Variants in ZNF536 observed in about 807,000 individuals in gnomAD.
ZNF536 encodes the protein zinc finger protein 536.
Under a neutral mutation model 84.5 loss-of-function variants are expected in ZNF536, and 13 were observed. The observed-to-expected ratio is 0.15, with a 90% CI of 0.10 to 0.24. ZNF536 has a LOEUF of 0.24. ZNF536 is among the 10% of genes least tolerant of loss of function. ZNF536 has a pLI of 1.00. For synonymous variants in ZNF536, 811 were observed against 742.5 expected (o/e 1.09, Z -1.50); for missense variants, 1,536 against 1,747.5 (o/e 0.88, Z 2.16).
chr19:30,646,863 T>TA (rs1161892324), intron 1 of ZNF536, among the ~76,000 whole-genome samples: 2 of 152,126 alleles, frequency 1.3e-5, no homozygotes, highest in South Asian at 2.1e-4. Context: ...GTTGTATGTT[T>TA]AAAAAAATTA....
intron 2 of ZNF536, among the ~76,000 whole-genome samples, chr19:30,477,727 A>C (rs1474447915): frequency 6.6e-6 from 1 of 152,246 alleles, no homozygotes; most frequent in African/African-American, 2.4e-5. Flanking sequence ...GCTGGGCACA[A>C]TGATGGCAAA....
exon 2 of ZNF536, chr19:30,711,161 TA>T (rs11323514): frequency 0.28 from 40,895 of 147,716 alleles, 6,253 homozygotes; most frequent in East Asian, 0.6. Flanking sequence ...ATATATATAT[TA>T]AAAAAAAAAA....
intron 2 of ZNF536, among the ~76,000 whole-genome samples, chr19:30,446,932 A>G (rs2052380175): frequency 6.6e-6 from 1 of 152,210 alleles, no homozygotes; most frequent in African/African-American, 2.4e-5. Flanking sequence ...CCCCTTACTA[A>G]TGGATAGTAA....
intron 1 of ZNF536, among the ~76,000 whole-genome samples, chr19:30,248,210 T>C (rs1034558201): frequency 3.4e-5 from 5 of 147,980 alleles, no homozygotes; most frequent in African/African-American, 1.3e-4. Context: ...TCTTTCTTTC[T>C]TTTTCTTTTC....
intron 2 of ZNF536, among the ~76,000 whole-genome samples, chr19:30,454,947 C>T (rs967913489): frequency 1.1e-3 from 162 of 152,264 alleles, no homozygotes; most frequent in Non-Finnish European, 1.8e-4. Context: ...GCAGGAGAAT[C>T]GCTTGAATCC....
intron 1 of ZNF536, among the ~76,000 whole-genome samples, chr19:30,429,383 C>T (rs1434342552): frequency 6.6e-6 from 1 of 152,090 alleles, no homozygotes; most frequent in Non-Finnish European, 1.5e-5. Flanking sequence ...ATGCAAGGAT[C>T]TAGATCTTGG....
intron 1 of ZNF536, among the ~76,000 whole-genome samples, chr19:30,576,525 C>T (rs1016122309): frequency 6.6e-6 from 1 of 152,196 alleles, no homozygotes; most frequent in African/African-American, 2.4e-5. Context: ...GGGGAATTGA[C>T]AGCTGTCCAG....
rs2048642862 is a variant in ZNF536, at chr19:30,372,447, T to A, written c.-112T>A. The A allele has an allele frequency of 6.6e-6, 1 of 152,244 alleles. No homozygotes were observed. The highest frequency in any genetic ancestry group is 2.4e-5 in the African/African-American group (1 of 41,470). The allele number at this position is 152,244 out of a possible 1,614,324, so 9.4% of individuals were successfully genotyped here. A position where few individuals can be genotyped will look rare whatever the true frequency, so the allele number is the denominator to read the frequency against. ...TCTGGAGAAGAGAGTTTCCACGTTG[T>A]CATCATAGGATCTGGACTCAAGTGA... On this transcript the variant is annotated 5_prime_UTR_variant, in exon 1 of 5. Coordinates refer to ENST00000355537, the MANE Select transcript of ZNF536 (RefSeq NM_014717.3).
chr19:30,527,234 T>TTTTC (rs1464602589), intron 2 of ZNF536, among the ~76,000 whole-genome samples: 1 of 132,998 alleles, frequency 7.5e-6, no homozygotes, highest in Non-Finnish European at 1.5e-5. Flanking sequence ...TTTTTTTTTT[T>TTTTC]TTTTTTTTTT....
chr19:30,259,750 C>T (rs1053382316), intron 1 of ZNF536, among the ~76,000 whole-genome samples: 2 of 151,850 alleles, frequency 1.3e-5, no homozygotes, highest in Non-Finnish European at 1.5e-5. Context: ...AGGTGGTTAT[C>T]GGGTGCTTCT....
intron 1 of ZNF536, among the ~76,000 whole-genome samples, chr19:30,592,586 T>A: frequency 6.6e-6 from 1 of 152,198 alleles, no homozygotes; most frequent in East Asian, 1.9e-4. Context: ...GAACAAGACG[T>A]GGTCACAGTT....
intron 2 of ZNF536, among the ~76,000 whole-genome samples, chr19:30,326,050 A>C (rs1303374346): frequency 1.3e-5 from 2 of 152,328 alleles, no homozygotes; most frequent in East Asian, 3.9e-4. Flanking sequence ...TATTTTCTAC[A>C]TGTGGAGTGT....
chr19:30,665,029 A>C (rs2050265406), intron 1 of ZNF536, among the ~76,000 whole-genome samples: 1 of 152,260 alleles, frequency 6.6e-6, no homozygotes, highest in East Asian at 1.9e-4. Context: ...CCAGTAAAAA[A>C]ATTAAAAGAA....
At chr19:30,362,425 A>G (rs1039923884) in intron 3 of ZNF536, among the ~76,000 whole-genome samples, 22 of 152,210 alleles carry the variant, frequency 1.4e-4, no homozygotes, top group African/African-American at 5.1e-4. Context: ...CTGGACTCCA[A>G]AGAAGCAAAG....
At chr19:30,244,116 G>T (rs1187220802) in intron 1 of ZNF536, among the ~76,000 whole-genome samples, 1 of 152,070 alleles carries the variant, frequency 6.6e-6, no homozygotes, top group Admixed American at 6.6e-5. Flanking sequence ...TCCAAGTACC[G>T]ATTGTCAGTT....
chr19:30,270,034 A>C (rs1039797113), intron 1 of ZNF536, among the ~76,000 whole-genome samples: 2 of 152,244 alleles, frequency 1.3e-5, no homozygotes, highest in African/African-American at 4.8e-5. Context: ...AAAGTCATTT[A>C]AAAATACCTA....
intron 1 of ZNF536, among the ~76,000 whole-genome samples, chr19:30,260,499 G>A (rs927508675): frequency 1.3e-5 from 2 of 152,226 alleles, no homozygotes; most frequent in African/African-American, 4.8e-5. Flanking sequence ...AGGAAGGTTG[G>A]TGGTCCAAGC....
At chr19:30,459,119 C>T (rs1454357673) in intron 2 of ZNF536, among the ~76,000 whole-genome samples, 1 of 152,146 alleles carries the variant, frequency 6.6e-6, no homozygotes, top group Non-Finnish European at 1.5e-5. Context: ...GACTCCAGTG[C>T]TCAATAGACG....
At chr19:30,642,285 G>A (rs1327684871) in intron 1 of ZNF536, among the ~76,000 whole-genome samples, 1 of 152,122 alleles carries the variant, frequency 6.6e-6, no homozygotes, top group East Asian at 1.9e-4. Context: ...TCTGTATATT[G>A]GTTGTTGCAA....
Sources: gnomAD v4.1 joint callset for allele counts (sites outside exome capture counted in the v4.1 genomes callset) on GRCh38, gnomAD v4.1.1 for gene constraint, MANE v1.5 for transcripts, NCBI Gene and HGNC (gene_info 2026-07-23, HGNC 2026-07-21) for gene names.